The following CHD2 variants were observed in gnomAD, a reference collection of about 807,000 sequenced individuals.
The protein encoded by CHD2 is ATP-dependent chromatin remodeler CHD2.
A neutral mutation model predicts 243.9 loss-of-function variants in CHD2; 28 were observed. The observed-to-expected ratio is 0.11, with a 90% CI of 0.09 to 0.16. CHD2 has a LOEUF of 0.16. Ranked by LOEUF, CHD2 falls within the 10% of genes least tolerant of loss-of-function variation. The probability of loss-of-function intolerance (pLI) is 1.00; values close to 1 mark genes in which losing one functional copy is unlikely to be tolerated. For missense variants in CHD2, 1,386 were observed against 2,209.8 expected (o/e 0.63, Z 7.47); for synonymous variants, 775 against 779.0 (o/e 0.99, Z 0.09).
chr15:92,962,378 G>A (rs1463433307), intron 16 of CHD2, among the ~76,000 whole-genome samples: 3 of 151,610 alleles, frequency 2.0e-5, no homozygotes, highest in Admixed American at 2.0e-4. Flanking sequence ...TTGTGTTTTT[G>A]TTTTCATTTG....
Position 92,900,488 on chromosome 15 carries a change from C to T in CHD2, c.-408C>T, listed in dbSNP as rs913717835. ...GGGACTTACTGGGGTCGATTCGAAC[C>T]TTTTTTTGGGAGAAAAGCAGCTTTT... On this transcript the variant is annotated 5_prime_UTR_variant, in exon 1 of 39. Transcript: ENST00000394196. The T allele has an allele frequency of 7.5e-6, 3 of 398,298 alleles. No homozygotes were observed. In the East Asian group the frequency reaches 1.1e-4, roughly 14 times the overall value. The allele number at this position is 398,298 out of a possible 1,614,324, so 24.7% of individuals were successfully genotyped here.
chr15:93,023,797 C>T (rs1169260048), intron 38 of CHD2, among the ~76,000 whole-genome samples: 1 of 151,272 alleles, frequency 6.6e-6, no homozygotes, highest in East Asian at 1.9e-4. Context: ...TTTTTTTTGG[C>T]CATTTGTATA....
At chr15:92,942,695 G>A in intron 8 of CHD2, 148 bp from the exon 9 acceptor site, 1 of 568,416 alleles carries the variant, frequency 1.8e-6, no homozygotes, top group Admixed American at 3.6e-5. Flanking sequence ...AGTCCGTTCT[G>A]TGTTGTTTGT....
At chr15:92,961,792 G>A (rs971338620) in intron 16 of CHD2, among the ~76,000 whole-genome samples, 1 of 150,250 alleles carries the variant, frequency 6.7e-6, no homozygotes. Context: ...TTCTTGGTCA[G>A]TTCTAGCTAA....
intron 2 of CHD2, among the ~76,000 whole-genome samples, chr15:92,905,492 T>A (rs1370437697): frequency 2.0e-5 from 3 of 152,228 alleles, no homozygotes; most frequent in Admixed American, 6.5e-5. Context: ...GAGTAGGCTG[T>A]CCTGTAGTTA....
At chr15:93,020,442 GGA>G (rs2054520657) in intron 38 of CHD2, 184 bp downstream of exon 38, 1 of 708,928 alleles carries the variant, frequency 1.4e-6, no homozygotes, top group African/African-American at 1.8e-5. Flanking sequence ...TGGGTCATAG[GGA>G]GCACATTTCA....
chr15:92,919,491 C>T (rs1377934112), intron 2 of CHD2, among the ~76,000 whole-genome samples: 1 of 151,896 alleles, frequency 6.6e-6, no homozygotes, highest in African/African-American at 2.4e-5. Context: ...CTCCTGGGTT[C>T]AAGTGATTCT....
intron 16 of CHD2, among the ~76,000 whole-genome samples, chr15:92,957,021 G>A (rs902612459): frequency 2.6e-5 from 4 of 152,134 alleles, no homozygotes; most frequent in African/African-American, 7.2e-5. Flanking sequence ...TCTGATAACC[G>A]AAGCATCAAT....
chr15:92,955,369 G>GATAT, intron 14 of CHD2, 54 bp from the exon 15 acceptor site: 3 of 1,078,618 alleles, frequency 2.8e-6, no homozygotes, highest in Non-Finnish European at 4.0e-6. Context: ...AAACTTATGT[G>GATAT]ATATAGAAAG....
intron 17 of CHD2, among the ~76,000 whole-genome samples, chr15:92,971,173 A>C (rs2053835891): frequency 1.3e-5 from 2 of 152,292 alleles, no homozygotes; most frequent in African/African-American, 4.8e-5. Context: ...ACACAGGTTG[A>C]GTCTCTTATC....
At chr15:93,015,189 G>A (rs1390898900) in intron 37 of CHD2, among the ~76,000 whole-genome samples, 5 of 151,894 alleles carry the variant, frequency 3.3e-5, no homozygotes, top group African/African-American at 9.7e-5. Flanking sequence ...GGCGATTCTC[G>A]TCCCTCAGCC....
At chr15:92,950,792 C>T (rs2053544024) in intron 13 of CHD2, among the ~76,000 whole-genome samples, 1 of 151,802 alleles carries the variant, frequency 6.6e-6, no homozygotes, top group Non-Finnish European at 1.5e-5. Context: ...TATTTTTCCC[C>T]TCATTGCTGA....
At chr15:92,983,042 C>A (rs1276985061) in intron 24 of CHD2, among the ~76,000 whole-genome samples, 2 of 152,050 alleles carry the variant, frequency 1.3e-5, no homozygotes, top group Non-Finnish European at 2.9e-5. Context: ...CTTATCTTCC[C>A]ATGGTAGAGA....
chr15:93,013,957 TACAG>T (rs1463025604), intron 36 of CHD2, among the ~76,000 whole-genome samples: 10 of 63,720 alleles, frequency 1.6e-4, no homozygotes, highest in Non-Finnish European at 3.1e-4. Context: ...AAAAAAAAAA[TACAG>T]AAAACAAAAA....
At chr15:92,947,061 C>G (rs2053481177) in intron 12 of CHD2, 1 of 152,122 alleles carries the variant, frequency 6.6e-6, no homozygotes, top group African/African-American at 2.4e-5. Flanking sequence ...GGAATTTATT[C>G]CATCAGGAAA....
intron 20 of CHD2, among the ~76,000 whole-genome samples, chr15:92,975,371 G>C (rs995481784): frequency 1.3e-5 from 2 of 152,196 alleles, no homozygotes; most frequent in African/African-American, 2.4e-5. Flanking sequence ...TAATGTTCTT[G>C]CTCTCGCTAA....
chr15:92,946,302 C>T, intron 12 of CHD2, 86 bp downstream of exon 12: 4 of 1,067,384 alleles, frequency 3.7e-6, no homozygotes, highest in Non-Finnish European at 5.1e-6. Context: ...GAAAATATTA[C>T]AAAATGAAAT....
At chr15:92,925,545 C>T (rs576726125) in intron 3 of CHD2, among the ~76,000 whole-genome samples, 25 of 152,268 alleles carry the variant, frequency 1.6e-4, no homozygotes, top group African/African-American at 6.0e-4. Flanking sequence ...TTTGCCCTCC[C>T]AGTTAATAAG....
In CHD2 at chr15:92,991,519, T is replaced by TA; in HGVS notation, c.3455+4dup. 6.2e-7 allele frequency: 1 copy of TA among 1,604,288 alleles called. No individual in the cohort carries two copies. The highest frequency in any genetic ancestry group is 8.5e-7 in the Non-Finnish European group (1 of 1,173,038). On this transcript the variant is annotated splice_region_variant and intron_variant, in intron 27 of 38. Transcript: ENST00000394196. ...GAAGTTTGGTCTCCCTCTTGAACGG[T>TA]AAGTTCAGTGTAATAGTCCCTTATC... is the stretch of plus-strand genomic sequence containing the variant.
Sources: gnomAD v4.1 joint callset for allele counts (sites outside exome capture counted in the v4.1 genomes callset) on GRCh38, gnomAD v4.1.1 for gene constraint, MANE v1.5 for transcripts, NCBI Gene and HGNC (gene_info 2026-07-23, HGNC 2026-07-21) for gene names.